DLGAP2: variants seen among roughly 807,000 people sequenced by gnomAD.
DLGAP2 encodes the protein disks large-associated protein 2.
DLGAP2 carries 26 observed loss-of-function variants against 100.3 expected under a neutral mutation model. The ratio of observed to expected loss-of-function variants is 0.26; its 90% CI spans 0.19 to 0.36. The LOEUF is 0.36. Among genes scored for constraint, DLGAP2 ranks in the 10% least tolerant of loss-of-function variants. The pLI is 1.00. For synonymous variants in DLGAP2, 886 were observed against 630.1 expected, an observed-to-expected ratio of 1.41 and a Z score of -6.08; for missense variants, 1,858 against 1,453.2, an observed-to-expected ratio of 1.28 and a Z score of -4.53.
chr8:755,607 G>A (rs1820899912), intron 1 of DLGAP2, among the ~76,000 whole-genome samples: 1 of 152,208 alleles, frequency 6.6e-6, no homozygotes, highest in African/African-American at 2.4e-5. Context: ...GAGTAGGAAC[G>A]AGGGGCAGGT....
At chr8:1,113,610 G>T in intron 2 of DLGAP2, among the ~76,000 whole-genome samples, 1 of 152,192 alleles carries the variant, frequency 6.6e-6, no homozygotes, top group African/African-American at 2.4e-5. Context: ...CCAAGACTGG[G>T]GTTTTCTAGA....
intron 2 of DLGAP2, among the ~76,000 whole-genome samples, chr8:1,079,699 CGAGGTTATAATCCAGTTGG>C (rs1195482128): frequency 6.6e-6 from 1 of 152,206 alleles, no homozygotes; most frequent in East Asian, 1.9e-4. Flanking sequence ...ATAGATTGGA[CGAGGTTATAATCCAGTTGG>C]GAGGACAGGC....
chr8:1,097,992 C>T (rs1804443525), intron 2 of DLGAP2, among the ~76,000 whole-genome samples: 1 of 152,274 alleles, frequency 6.6e-6, no homozygotes, highest in Non-Finnish European at 1.5e-5. Flanking sequence ...TTTGTATGAA[C>T]CCCAGCCGCA....
At chr8:798,756 A>G (rs1796087712) in intron 1 of DLGAP2, among the ~76,000 whole-genome samples, 1 of 138,036 alleles carries the variant, frequency 7.2e-6, no homozygotes, top group Admixed American at 7.2e-5. Context: ...ACTGAAAGCA[A>G]ACGCTTGTTG....
intron 3 of DLGAP2, among the ~76,000 whole-genome samples, chr8:1,326,449 G>A (rs143910091): frequency 6.4e-4 from 97 of 152,200 alleles, no homozygotes; most frequent in African/African-American, 2.2e-3. Flanking sequence ...GCTCTGGGCC[G>A]CCCTGTCTTT....
intron 3 of DLGAP2, among the ~76,000 whole-genome samples, chr8:1,303,529 C>T (rs755922911): frequency 1.2e-4 from 18 of 151,960 alleles, no homozygotes; most frequent in East Asian, 3.9e-4. Flanking sequence ...CTGGGCTGTG[C>T]GCTGCGCTGG....
chr8:1,072,932 T>C (rs1330241540), intron 2 of DLGAP2, among the ~76,000 whole-genome samples: 1 of 152,202 alleles, frequency 6.6e-6, no homozygotes, highest in Non-Finnish European at 1.5e-5. Flanking sequence ...GCTGTTACTG[T>C]ATTAATTTAA....
chr8:1,470,351 C>T (rs74437549), intron 3 of DLGAP2, among the ~76,000 whole-genome samples: 2,598 of 152,212 alleles, frequency 0.017, 88 homozygotes, highest in African/African-American at 0.06. Flanking sequence ...AAGTGAGCCC[C>T]GCTGGTTCCT....
At chr8:1,385,964 T>G (rs1222522518) in intron 3 of DLGAP2, among the ~76,000 whole-genome samples, 1 of 152,266 alleles carries the variant, frequency 6.6e-6, no homozygotes, top group African/African-American at 2.4e-5. Context: ...GTCCTAATAC[T>G]GGAATCAATG....
chr8:756,322 C>A (rs1820920737), intron 1 of DLGAP2, among the ~76,000 whole-genome samples: 1 of 152,094 alleles, frequency 6.6e-6, no homozygotes, highest in African/African-American at 2.4e-5. Context: ...CAGGTTGGGG[C>A]TGACGGCAAA....
At chr8:1,631,213 G>C (rs1466371515) in intron 7 of DLGAP2, among the ~76,000 whole-genome samples, 1 of 152,074 alleles carries the variant, frequency 6.6e-6, no homozygotes, top group Non-Finnish European at 1.5e-5. Flanking sequence ...CATAGCCGAG[G>C]GTCCTTGCTG....
chr8:1,267,998 A>G (rs560484997), intron 3 of DLGAP2, among the ~76,000 whole-genome samples: 79 of 152,232 alleles, frequency 5.2e-4, no homozygotes, highest in Non-Finnish European at 9.8e-4. Flanking sequence ...ACAGCTATTC[A>G]ATATGATAAG....
intron 3 of DLGAP2, among the ~76,000 whole-genome samples, chr8:1,294,517 C>T (rs750612825): frequency 1.3e-5 from 2 of 152,172 alleles, no homozygotes; most frequent in Admixed American, 1.3e-4. Flanking sequence ...GCATTTCTCT[C>T]CTGCGATTTT....
chr8:1,309,210 A>T (rs1800558560), intron 3 of DLGAP2, among the ~76,000 whole-genome samples: 1 of 152,232 alleles, frequency 6.6e-6, no homozygotes, highest in South Asian at 2.1e-4. Flanking sequence ...AGCCAAAAAC[A>T]TCCAAAATTT....
intron 4 of DLGAP2, among the ~76,000 whole-genome samples, chr8:1,548,095 G>T (rs746431148): frequency 6.6e-6 from 1 of 152,092 alleles, no homozygotes; most frequent in Non-Finnish European, 1.5e-5. Flanking sequence ...TCTACTAGAT[G>T]CTAAATCTTG....
chr8:1,004,674 A>G (rs1208323345), intron 2 of DLGAP2, among the ~76,000 whole-genome samples: 2 of 151,768 alleles, frequency 1.3e-5, no homozygotes, highest in Non-Finnish European at 1.5e-5. Context: ...ACTTAATTTC[A>G]TTTTCTTAGG....
chr8:889,229 A>C (rs973228864), intron 1 of DLGAP2, among the ~76,000 whole-genome samples: 8 of 152,166 alleles, frequency 5.3e-5, no homozygotes, highest in Non-Finnish European at 8.8e-5. Flanking sequence ...GGCCATGTGG[A>C]TGTGTACGTG....
At chr8:1,223,168 G>T (rs1798350767) in intron 2 of DLGAP2, among the ~76,000 whole-genome samples, 1 of 152,160 alleles carries the variant, frequency 6.6e-6, no homozygotes, top group Non-Finnish European at 1.5e-5. Flanking sequence ...TCCCCTAGGA[G>T]TCACTCAAGG....
intron 4 of DLGAP2, among the ~76,000 whole-genome samples, chr8:1,542,336 C>T (rs575510309): frequency 5.9e-5 from 9 of 152,220 alleles, no homozygotes; most frequent in South Asian, 2.1e-4. Context: ...GTGCAACCAT[C>T]GCTCTAATCA....
Sources: allele counts gnomAD v4.1 joint callset (sites outside exome capture counted in the v4.1 genomes callset), GRCh38; gene constraint gnomAD v4.1.1; transcripts MANE v1.5; gene names NCBI Gene and HGNC (gene_info 2026-07-23, HGNC 2026-07-21).